The following APOB variants were observed in gnomAD, a reference collection of about 807,000 sequenced individuals.
The protein encoded by APOB is apolipoprotein B-100.
In APOB, 153 loss-of-function variants were observed where a neutral mutation model predicts 314.1. That is an observed-to-expected ratio of 0.49 (90% CI 0.43 to 0.56). The LOEUF (loss-of-function observed/expected upper bound fraction) is 0.56. APOB is among the 20% of genes least tolerant of loss of function. The pLI is 0.00. For synonymous variants in APOB, 2,087 were observed against 2,036.4 expected (o/e 1.02, Z -0.67); for missense variants, 5,430 against 5,350.7 (o/e 1.01, Z -0.46).
At chr2:21,031,879 C>T (rs1283645588) in intron 10 of APOB, among the ~76,000 whole-genome samples, 2 of 151,654 alleles carry the variant, frequency 1.3e-5, no homozygotes, top group Non-Finnish European at 2.9e-5. Flanking sequence ...AAAAACAAAA[C>T]AAACAAACAA....
rs776815102 is a variant in APOB, at chr2:21,006,057, G to T, written c.10811C>A (p.Ala3604Glu). The T allele has an allele frequency of 3.7e-6, 6 of 1,614,020 alleles. No individual in the cohort carries two copies. Among genetic ancestry groups the T allele is most frequent in the South Asian group, 2.2e-5 (2 of 91,080 alleles). The change falls in exon 26 of 29, where the codon GCA becomes GAA. Residue 3604 changes from alanine to glutamate, a missense_variant. Transcript: ENST00000233242. Reference sequence around the variant, plus strand: ...ATCATGGAAGGAACTGGGCTGACTTGCATGGACCTGAACAAGAGCTGACAT... The same window carrying T: ...ATCATGGAAGGAACTGGGCTGACTTTCATGGACCTGAACAAGAGCTGACAT... ...WQMSALVQVH[A>E]SQPSSFHDFP...
In APOB at chr2:21,043,972, G is replaced by T; in HGVS notation, c.-27C>A. 1 of 1,195,372 alleles carries T rather than the reference G, an allele frequency of 8.4e-7. No homozygotes were observed. Among genetic ancestry groups the T allele is most frequent in the Non-Finnish European group, 1.1e-6 (1 of 949,308 alleles). 74.0% of individuals were successfully genotyped at this position (1,195,372 alleles called of 1,614,324 possible). On this transcript the variant is annotated 5_prime_UTR_variant, in exon 1 of 29. Coordinates refer to ENST00000233242, the MANE Select transcript of APOB (RefSeq NM_000384.3). ...GCCAGCTGCGGTGGGGCGGCTCCTGGGCTGCGGCCTGGCCTCGGCCTCGCG... is the reference window on the plus strand; with the variant it reads ...GCCAGCTGCGGTGGGGCGGCTCCTGTGCTGCGGCCTGGCCTCGGCCTCGCG...
rs1572788708 is a variant in APOB, at chr2:21,016,538, C to A, written c.3233G>T (p.Arg1078Ile). The part of the protein sequence containing the change: ...DFDVDLGTIL[R>I]VNDESTEGKT... ...GCCCTCAGTAGATTCATCATTAACT[C>A]TGAGGATTGTTCCGAGGTCAACATC... Residue 1078 changes from arginine to isoleucine, a missense_variant, in exon 21 of 29, where the codon AGA becomes ATA. Coordinates refer to ENST00000233242, the MANE Select transcript of APOB (RefSeq NM_000384.3). The A allele has an allele frequency of 6.2e-7, 1 of 1,606,798 alleles. No individual in the cohort carries two copies. Among genetic ancestry groups the A allele is most frequent in the African/African-American group, 1.3e-5 (1 of 74,904 alleles).
In APOB at chr2:21,010,550, T is replaced by C; in HGVS notation, c.6318A>G (p.Gln2106=). 6.2e-7 allele frequency: 1 copy of C among 1,609,968 alleles called. No homozygotes were observed. The highest frequency in any genetic ancestry group is 1.1e-5 in the South Asian group (1 of 90,628). Residue 2106 remains glutamine, a synonymous_variant, in exon 26 of 29, where the codon CAA becomes CAG. Coordinates refer to ENST00000233242, the MANE Select transcript of APOB (RefSeq NM_000384.3). ...GGGCTGCTCTGTATTTTCTTACAAA[T>C]TGATCAATATTGATGTGCTTCAGGT... ...QRNLKHINID[Q]FVRKYRAALG...
chr2:21,022,836 A>G lies in APOB; in HGVS notation c.2811T>C (p.Ser937=), dbSNP rs766130090. The change falls in exon 18 of 29, where the codon AGT becomes AGC. Residue 937 remains serine (S), a synonymous_variant. Transcript: ENST00000233242. ...PSPKRPVKLL[S]GGNTLHLVST... ...GACTTGGCTGAAAGAATTACCCTCCACTGAGCAGCTTGACTGGTCTCTTTG... is the reference window on the plus strand; with the variant it reads ...GACTTGGCTGAAAGAATTACCCTCCGCTGAGCAGCTTGACTGGTCTCTTTG... The G allele has an allele frequency of 2.2e-5, 35 of 1,613,930 alleles. No individual in the cohort carries two copies. Among genetic ancestry groups the G allele is most frequent in the South Asian group, 1.5e-4 (14 of 91,076 alleles).
Position 21,009,441 on chromosome 2 carries a change from G to T in APOB, c.7427C>A (p.Thr2476Lys). Residue 2476 changes from threonine (T) to lysine (K), a missense_variant, in exon 26 of 29, where the codon ACA (threonine) becomes AAA (lysine). Coordinates refer to ENST00000233242, the MANE Select transcript of APOB (RefSeq NM_000384.3). ...LKLFLEETKA[T>K]VAVYLESLQD... ...TAGGCTTTCCAGATACACTGCAACTGTGGCCTTGGTTTCCTCTAAAAACAG... is the reference window on the plus strand; with the variant it reads ...TAGGCTTTCCAGATACACTGCAACTTTGGCCTTGGTTTCCTCTAAAAACAG... 6.2e-7 allele frequency: 1 copy of T among 1,614,080 alleles called. No individual in the cohort carries two copies. The highest frequency in any genetic ancestry group is 8.5e-7 in the Non-Finnish European group (1 of 1,179,980).
rs1558568864 is a variant in APOB at position 21,019,732 on chromosome 2, C to T, written c.2990G>A (p.Gly997Glu). The part of the protein sequence containing the change: ...TDSASYYPLT[G>E]DTRLELELRP... ...ACTGAGCATCTCTAACCTGGTGTCC[C>T]CGGTCAGCGGATAGTAGGAGGCGGA... The change falls in exon 19 of 29, where the codon GGG becomes GAG. Residue 997 changes from glycine to glutamate, a missense_variant. Physicochemically the swap from Gly to Glu is moderately conservative, Grantham distance 98. Transcript: ENST00000233242. 6.2e-7 allele frequency: 1 copy of T among 1,614,038 alleles called. No individual in the cohort carries two copies. Among genetic ancestry groups the T allele is most frequent in the Non-Finnish European group, 8.5e-7 (1 of 1,180,004 alleles).
At position 21,006,342 on chromosome 2, in the gene APOB, T is replaced by C; in HGVS notation, c.10526A>G (p.Tyr3509Cys). ...GGCCTCACTAGCAATAGTTCCTGAATATTCCCGAGAAAGAACCGAACCCTT... is the reference window on the plus strand; with the variant it reads ...GGCCTCACTAGCAATAGTTCCTGAACATTCCCGAGAAAGAACCGAACCCTT... Reference protein sequence around the residue: ...DVKGSVLSREYSGTIASEANT... With the variant: ...DVKGSVLSRECSGTIASEANT... Residue 3509 changes from tyrosine (Y) to cysteine (C), a missense_variant, in exon 26 of 29, where the codon TAT becomes TGT. Tyr to Cys is a radical substitution (Grantham distance 194). This residue lies in a region of APOB where 3,281 missense variants were observed against 3,171.0 expected (regional missense o/e 1.03). Coordinates refer to ENST00000233242, the MANE Select transcript of APOB (RefSeq NM_000384.3). 1.2e-6 allele frequency: 2 copies of C among 1,614,064 alleles called. No homozygotes were observed. The highest frequency in any genetic ancestry group is 2.2e-5 in the South Asian group (2 of 91,078).
At chr2:21,019,978 G>A in intron 18 of APOB, 73 bp from the exon 19 acceptor site, 9 of 1,405,284 alleles carry the variant, frequency 6.4e-6, no homozygotes, top group Non-Finnish European at 8.1e-6. Context: ...TTCTCAGGGT[G>A]CAAATACCCC....
intron 21 of APOB, among the ~76,000 whole-genome samples, chr2:21,015,994 A>T (rs1663453128): frequency 6.6e-6 from 1 of 152,182 alleles, no homozygotes; most frequent in Admixed American, 6.5e-5. Context: ...AGAGGGTTAA[A>T]ATGTTGAGAG....
At position 21,043,998 on chromosome 2, in the gene APOB, G is replaced by A; in HGVS notation, c.-53C>T. On this transcript the variant is annotated 5_prime_UTR_variant, in exon 1 of 29. Coordinates refer to ENST00000233242, the MANE Select transcript of APOB (RefSeq NM_000384.3). ...GCTGCGGCCTGGCCTCGGCCTCGCGGCCCTGGCTGGCTGGGCGGGCTCCTC... is the reference window on the plus strand; with the variant it reads ...GCTGCGGCCTGGCCTCGGCCTCGCGACCCTGGCTGGCTGGGCGGGCTCCTC... 1 of 982,190 alleles carries A rather than the reference G, an allele frequency of 1.0e-6. No homozygotes were observed. Among genetic ancestry groups the A allele is most frequent in the Non-Finnish European group, 1.3e-6 (1 of 766,504 alleles). 60.8% of individuals were successfully genotyped at this position (982,190 alleles called of 1,614,324 possible).
At chr2:21,027,756 TG>T in intron 14 of APOB, 71 bp downstream of exon 14, 1 of 1,208,278 alleles carries the variant, frequency 8.3e-7, no homozygotes, top group Non-Finnish European at 1.2e-6. Flanking sequence ...GGGTAGCTCC[TG>T]GCTCCCAGGG....
At position 21,033,326 on chromosome 2, in the gene APOB, A is replaced by C; in HGVS notation, c.1097T>G (p.Leu366Arg). The change falls in exon 9 of 29, where the codon CTC becomes CGC. Residue 366 changes from leucine to arginine, a missense_variant. This residue lies in a region of APOB where 2,085 missense variants were observed against 2,079.7 expected (regional missense o/e 1.00). Coordinates refer to ENST00000233242, the MANE Select transcript of APOB (RefSeq NM_000384.3). ...GGACACCTCAATCAGCTGTGGCAAG[A>C]GAGATGTGACTGCTTCATCACTGAG... ...RGLSDEAVTS[L>R]LPQLIEVSSP... The C allele has an allele frequency of 6.2e-7, 1 of 1,614,128 alleles. No individual in the cohort carries two copies. The highest frequency in any genetic ancestry group is 8.5e-7 in the Non-Finnish European group (1 of 1,179,960).
chr2:21,041,917 A>G (rs1664141706), intron 3 of APOB, among the ~76,000 whole-genome samples: 1 of 152,224 alleles, frequency 6.6e-6, no homozygotes, highest in South Asian at 2.1e-4. Flanking sequence ...TTTTAGAACA[A>G]ACTGTATGTT....
rs554648284 is a variant in APOB, at chr2:21,009,718, C to A, written c.7150G>T (p.Val2384Phe). 9 of 1,613,788 alleles carry A rather than the reference C, an allele frequency of 5.6e-6. No homozygotes were observed. Among genetic ancestry groups the A allele is most frequent in the Non-Finnish European group, 7.6e-6 (9 of 1,179,856 alleles). ...TTCTCAAAGTAATCTTTTATCTTAACTTGTTGTAGGACATTGCTTAGCTTC... is the reference window on the plus strand; with the variant it reads ...TTCTCAAAGTAATCTTTTATCTTAAATTGTTGTAGGACATTGCTTAGCTTC... ...IQKLSNVLQQ[V>F]KIKDYFEKLV... The change falls in exon 26 of 29, where the codon GTT becomes TTT. Residue 2384 changes from valine to phenylalanine, a missense_variant. Transcript: ENST00000233242.
At chr2:21,025,439 C>T (rs145067085) in intron 15 of APOB, among the ~76,000 whole-genome samples, 53 of 152,202 alleles carry the variant, frequency 3.5e-4, no homozygotes, top group African/African-American at 1.2e-3. Flanking sequence ...ATCCTCTATC[C>T]CCCACCCGTT....
At chr2:21,029,136 C>T (rs1663816108) in intron 12 of APOB, among the ~76,000 whole-genome samples, 1 of 152,148 alleles carries the variant, frequency 6.6e-6, no homozygotes, top group African/African-American at 2.4e-5. Flanking sequence ...AGTCAATAGG[C>T]TTGTTGAAAT....
At chr2:21,019,217 T>A in intron 19 of APOB, 104 bp from the exon 20 acceptor site, 1 of 1,406,390 alleles carries the variant, frequency 7.1e-7, no homozygotes, top group Non-Finnish European at 1.0e-6. Flanking sequence ...AATATGGTCC[T>A]TATTTTAACA....
chr2:21,007,623 G>T lies in APOB; in HGVS notation c.9245C>A (p.Ala3082Asp). 1 of 1,614,040 alleles carries T rather than the reference G, an allele frequency of 6.2e-7. No homozygotes were observed. Among genetic ancestry groups the T allele is most frequent in the African/African-American group, 1.3e-5 (1 of 75,034 alleles). Residue 3082 changes from alanine (A) to aspartate (D), a missense_variant, in exon 26 of 29, where the codon GCC becomes GAC. Coordinates refer to ENST00000233242, the MANE Select transcript of APOB (RefSeq NM_000384.3). Reference protein sequence around the residue: ...NNYALFLSPSAQQASWQVSAR... With the variant: ...NNYALFLSPSDQQASWQVSAR... ...ACTTACTTGCCAACTTGCTTGCTGG[G>T]CACTGGGACTCAGAAACAGTGCATA...
Sources: gnomAD v4.1 joint callset for allele counts (sites outside exome capture counted in the v4.1 genomes callset) on GRCh38, gnomAD v4.1.1 for gene constraint, gnomAD v4.1.1 regional missense constraint, MANE v1.5 for transcripts, NCBI Gene and HGNC (gene_info 2026-07-23, HGNC 2026-07-21) for gene names.